Variants in ZFHX3 observed in about 807,000 individuals in gnomAD.
ZFHX3 encodes the protein zinc finger homeobox protein 3.
In ZFHX3, 42 loss-of-function variants were observed where a neutral mutation model predicts 279.1. The observed-to-expected ratio is 0.15, with a 90% CI of 0.12 to 0.19. The LOEUF (loss-of-function observed/expected upper bound fraction) is 0.19, where lower values mean the gene tolerates loss of function less well. ZFHX3 is among the 10% of genes least tolerant of loss of function. The pLI is 1.00. For synonymous variants in ZFHX3, 2,293 were observed against 1,957.8 expected (o/e 1.17, Z -4.52); for missense variants, 4,981 against 4,754.0 (o/e 1.05, Z -1.40).
At chr16:73,085,978 T>A (rs1966007092) in intron 8 of ZFHX3, among the ~76,000 whole-genome samples, 5 of 55,194 alleles carry the variant, frequency 9.1e-5, no homozygotes, top group East Asian at 5.7e-4. Flanking sequence ...CTCAAACAAC[T>A]CAATTGCAAA....
At chr16:73,539,621 T>C (rs1020889488) in intron 2 of ZFHX3, among the ~76,000 whole-genome samples, 3 of 151,924 alleles carry the variant, frequency 2.0e-5, no homozygotes, top group Non-Finnish European at 4.4e-5. Context: ...ATAGGTTTCC[T>C]CGATAACATG....
intron 4 of ZFHX3, among the ~76,000 whole-genome samples, chr16:72,877,284 T>G (rs2038337450): frequency 6.6e-6 from 1 of 152,050 alleles, no homozygotes; most frequent in Admixed American, 6.6e-5. Context: ...CCCTCAAGAA[T>G]CGGATAATGA....
At chr16:73,031,452 G>A (rs1200351078) in intron 1 of ZFHX3, among the ~76,000 whole-genome samples, 2 of 152,132 alleles carry the variant, frequency 1.3e-5, no homozygotes, top group African/African-American at 2.4e-5. Flanking sequence ...GAGGCCAAAG[G>A]GAAAAGCGAT....
At chr16:73,807,760 T>C (rs573585203) in intron 1 of ZFHX3, among the ~76,000 whole-genome samples, 3 of 150,570 alleles carry the variant, frequency 2.0e-5, no homozygotes, top group East Asian at 4.0e-4. Flanking sequence ...CGTAAGCCAC[T>C]GCACCCAGCC....
chr16:73,152,835 G>C (rs1354651155), intron 5 of ZFHX3, among the ~76,000 whole-genome samples: 2 of 151,550 alleles, frequency 1.3e-5, no homozygotes, highest in Non-Finnish European at 2.9e-5. Flanking sequence ...GGGAAGGGAG[G>C]GGAGTAATCG....
chr16:73,774,300 T>C (rs1484610480), intron 1 of ZFHX3, among the ~76,000 whole-genome samples: 1 of 152,186 alleles, frequency 6.6e-6, no homozygotes, highest in Non-Finnish European at 1.5e-5. Context: ...ATGGTGCTTG[T>C]ATAAGCTCAT....
At chr16:72,917,895 T>G (rs1300056943) in intron 3 of ZFHX3, among the ~76,000 whole-genome samples, 1 of 152,196 alleles carries the variant, frequency 6.6e-6, no homozygotes, top group Non-Finnish European at 1.5e-5. Context: ...ACGATCACCT[T>G]ACTGTTACAT....
intron 2 of ZFHX3, among the ~76,000 whole-genome samples, chr16:73,576,392 C>A (rs1297338552): frequency 6.6e-6 from 1 of 152,212 alleles, no homozygotes; most frequent in South Asian, 2.1e-4. Flanking sequence ...ATATTTACCC[C>A]GGGCACACTC....
intron 2 of ZFHX3, among the ~76,000 whole-genome samples, chr16:73,523,626 T>G (rs1313679037): frequency 1.3e-5 from 2 of 151,438 alleles, no homozygotes; most frequent in East Asian, 1.9e-4. Context: ...GCTGGGTTTT[T>G]TTTTTTTTTT....
At chr16:73,253,447 T>C (rs1475078577) in intron 5 of ZFHX3, among the ~76,000 whole-genome samples, 3 of 93,340 alleles carry the variant, frequency 3.2e-5, no homozygotes, top group African/African-American at 1.4e-4. Flanking sequence ...ATGATTTTCT[T>C]TCTTTCTCTT....
At chr16:73,773,765 G>A (rs2054046512) in intron 1 of ZFHX3, among the ~76,000 whole-genome samples, 1 of 152,050 alleles carries the variant, frequency 6.6e-6, no homozygotes. Flanking sequence ...ACACCTAGGG[G>A]GCAAATGTAA....
chr16:73,800,746 G>T (rs1056754357), intron 1 of ZFHX3, among the ~76,000 whole-genome samples: 1 of 152,100 alleles, frequency 6.6e-6, no homozygotes, highest in Admixed American at 6.6e-5. Context: ...AACTCCATCT[G>T]CCCCTGGGCA....
At chr16:73,099,225 G>C (rs1318846739) in intron 7 of ZFHX3, 1 of 152,162 alleles carries the variant, frequency 6.6e-6, no homozygotes, top group Non-Finnish European at 1.5e-5. Context: ...CTGTCAAATA[G>C]CTATTGTATC....
At chr16:73,108,551 TG>T (rs1357986777) in intron 7 of ZFHX3, among the ~76,000 whole-genome samples, 2 of 151,960 alleles carry the variant, frequency 1.3e-5, no homozygotes, top group African/African-American at 4.8e-5. Flanking sequence ...TTACACCCAG[TG>T]GATGTATGTT....
At chr16:73,133,830 C>T (rs1004844070) in intron 6 of ZFHX3, among the ~76,000 whole-genome samples, 24 of 152,146 alleles carry the variant, frequency 1.6e-4, no homozygotes, top group Admixed American at 4.6e-4. Flanking sequence ...ACAGTAATCC[C>T]CAAGAAAGTA....
At chr16:73,285,650 A>T (rs562765879) in intron 4 of ZFHX3, among the ~76,000 whole-genome samples, 1 of 152,344 alleles carries the variant, frequency 6.6e-6, no homozygotes, top group East Asian at 1.9e-4. Flanking sequence ...TCGGCTGGTC[A>T]TGTCCGTCAG....
intron 6 of ZFHX3, among the ~76,000 whole-genome samples, chr16:73,137,824 T>C (rs967692933): frequency 1.3e-5 from 2 of 152,146 alleles, no homozygotes; most frequent in Non-Finnish European, 2.9e-5. Context: ...AGCTTTGTTA[T>C]AATGCTTTTG....
At chr16:73,065,741 AC>A (rs1449042112) in intron 8 of ZFHX3, among the ~76,000 whole-genome samples, 14 of 152,062 alleles carry the variant, frequency 9.2e-5, no homozygotes, top group Admixed American at 9.2e-4. Context: ...GTCTAAAGGG[AC>A]GGTTTAAAGA....
At chr16:73,272,125 A>C (rs8046816) in intron 4 of ZFHX3, among the ~76,000 whole-genome samples, 78,570 of 152,026 alleles carry the variant, frequency 0.52, 20,710 homozygotes, top group East Asian at 0.65. Context: ...AGAAAAGAGC[A>C]GGTAGAGCTA....
Sources: gnomAD v4.1 joint callset for allele counts (sites outside exome capture counted in the v4.1 genomes callset) on GRCh38, gnomAD v4.1.1 for gene constraint, MANE v1.5 for transcripts, NCBI Gene and HGNC (gene_info 2026-07-23, HGNC 2026-07-21) for gene names.